The following CREB3L2 variants were observed in gnomAD, a reference collection of about 807,000 sequenced individuals.
The protein encoded by CREB3L2 is cAMP responsive element binding protein 3 like 2.
Under a neutral mutation model 57.2 loss-of-function variants are expected in CREB3L2, and 23 were observed. The ratio of observed to expected loss-of-function variants is 0.40; its 90% CI spans 0.29 to 0.57. The LOEUF is 0.57. Ranked by LOEUF, CREB3L2 falls within the 20% of genes least tolerant of loss-of-function variation. The probability of loss-of-function intolerance (pLI) is 0.42; values close to 1 mark genes in which losing one functional copy is unlikely to be tolerated. For missense variants in CREB3L2, 628 were observed against 634.7 expected, an observed-to-expected ratio of 0.99 and a Z score of 0.11; for synonymous variants, 268 against 265.1, an observed-to-expected ratio of 1.01 and a Z score of -0.11.
chr7:137,916,851 G>C (rs1800148186), intron 2 of CREB3L2, among the ~76,000 whole-genome samples: 1 of 152,096 alleles, frequency 6.6e-6, no homozygotes, highest in Non-Finnish European at 1.5e-5. Context: ...GCAAGCAAAT[G>C]GTTGGTAACC....
intron 1 of CREB3L2, among the ~76,000 whole-genome samples, chr7:137,977,840 G>A (rs6975328): frequency 0.15 from 22,280 of 151,874 alleles, 2,066 homozygotes; most frequent in African/African-American, 0.26. Context: ...AGAACTGCTT[G>A]AACCTGGGAG....
chr7:137,982,800 A>G (rs1047043497), intron 1 of CREB3L2, among the ~76,000 whole-genome samples: 7 of 152,220 alleles, frequency 4.6e-5, no homozygotes, highest in Non-Finnish European at 8.8e-5. Flanking sequence ...CCAATGTGAC[A>G]GTATCTGGAG....
At chr7:137,993,649 C>T (rs756197918) in intron 1 of CREB3L2, among the ~76,000 whole-genome samples, 76 of 152,130 alleles carry the variant, frequency 5.0e-4, no homozygotes, top group African/African-American at 1.7e-3. Context: ...CCTCTGAAAG[C>T]GCTGGGATTA....
intron 1 of CREB3L2, among the ~76,000 whole-genome samples, chr7:137,951,527 A>C (rs1801098091): frequency 6.6e-6 from 1 of 152,242 alleles, no homozygotes; most frequent in Admixed American, 6.5e-5. Context: ...ACAGTGACTT[A>C]AGAGACCATA....
intron 4 of CREB3L2, among the ~76,000 whole-genome samples, chr7:137,910,092 A>G (rs1202801950): frequency 6.6e-6 from 1 of 152,124 alleles, no homozygotes; most frequent in Non-Finnish European, 1.5e-5. Context: ...AGCAGCATGA[A>G]AACAGACTAA....
intron 8 of CREB3L2, among the ~76,000 whole-genome samples, chr7:137,888,066 C>T (rs1325690661): frequency 6.6e-6 from 1 of 152,176 alleles, no homozygotes; most frequent in Non-Finnish European, 1.5e-5. Context: ...AATCCTCCTG[C>T]CTCAGCCTCC....
At chr7:137,912,103 G>A (rs1057237568) in intron 4 of CREB3L2, among the ~76,000 whole-genome samples, 2 of 152,120 alleles carry the variant, frequency 1.3e-5, no homozygotes, top group Non-Finnish European at 2.9e-5. Flanking sequence ...TTGGCCAGGC[G>A]TGGTGGCTTA....
At chr7:137,882,718 G>C in intron 10 of CREB3L2, 90 bp from the exon 11 acceptor site, 1 of 880,982 alleles carries the variant, frequency 1.1e-6, no homozygotes, top group Non-Finnish European at 1.7e-6. Flanking sequence ...GCTGGTGGCA[G>C]ATGACAATGT....
At chr7:137,963,964 T>C (rs1801365915) in intron 1 of CREB3L2, among the ~76,000 whole-genome samples, 1 of 152,232 alleles carries the variant, frequency 6.6e-6, no homozygotes, top group Non-Finnish European at 1.5e-5. Context: ...ACAATCTGTT[T>C]TCAGCTGAAA....
chr7:137,959,831 T>A (rs193196918), intron 1 of CREB3L2, among the ~76,000 whole-genome samples: 3 of 152,364 alleles, frequency 2.0e-5, no homozygotes, highest in Admixed American at 1.3e-4. Context: ...TTAGAAAATG[T>A]AAGGTAATGT....
intron 1 of CREB3L2, among the ~76,000 whole-genome samples, chr7:137,935,436 G>A (rs1310011292): frequency 6.6e-6 from 1 of 152,276 alleles, no homozygotes; most frequent in East Asian, 1.9e-4. Flanking sequence ...GTCATCCCTA[G>A]ACAGATACAC....
In CREB3L2 at chr7:137,879,449, CT is replaced by C. The variant is rs1257638630; in HGVS notation, c.*1026del. 1 of 384,182 alleles carries C rather than the reference CT, an allele frequency of 2.6e-6. No homozygotes were observed. The highest frequency in any genetic ancestry group is 4.9e-6 in the Non-Finnish European group (1 of 204,116). 23.8% of individuals were successfully genotyped at this position (384,182 alleles called of 1,614,324 possible). A position where few individuals can be genotyped will look rare whatever the true frequency, so the allele number is the denominator to read the frequency against. On this transcript the variant is annotated 3_prime_UTR_variant, in exon 12 of 12. Coordinates refer to ENST00000330387, the MANE Select transcript of CREB3L2 (RefSeq NM_194071.4). ...TGTCATGAAAACAGGATAGAAAAAG[CT>C]TGTGGCCAGGGAGCCCGGGGCCTGA... is the stretch of plus-strand genomic sequence containing the variant.
chr7:137,928,208 C>T lies in CREB3L2; in HGVS notation c.261G>A (p.Glu87=). 6.2e-7 allele frequency: 1 copy of T among 1,606,820 alleles called. No homozygotes were observed. The change falls in exon 2 of 12, where the codon GAG becomes GAA. Residue 87 remains glutamate (E), a synonymous_variant. Transcript: ENST00000330387. ...TGAAGGGCGACTGGGCCCGAGGCTCCTCGCACAGGGAGTAGCTGTGCTCAG... is the reference window on the plus strand; with the variant it reads ...TGAAGGGCGACTGGGCCCGAGGCTCTTCGCACAGGGAGTAGCTGTGCTCAG... ...IQAEHSYSLC[E]EPRAQSPFTH...
intron 1 of CREB3L2, among the ~76,000 whole-genome samples, chr7:137,941,893 C>T (rs1800886110): frequency 6.6e-6 from 1 of 152,170 alleles, no homozygotes; most frequent in Admixed American, 6.5e-5. Context: ...ACTTATCAGT[C>T]TCTTAATACC....
At position 137,908,262 on chromosome 7, in the gene CREB3L2, G is replaced by A. The variant is rs747050072; in HGVS notation, c.758C>T (p.Thr253Met). 6.4e-5 allele frequency: 81 copies of A among 1,258,436 alleles called. No individual in the cohort carries two copies. The highest frequency in any genetic ancestry group is 7.6e-5 in the Non-Finnish European group (75 of 992,832). The allele number at this position is 1,258,436 out of a possible 1,614,324, so 78.0% of individuals were successfully genotyped here. Residue 253 changes from threonine to methionine, a missense_variant, in exon 5 of 12, where the codon ACG becomes ATG. By Grantham distance (81) the Thr-to-Met change is moderately conservative. Transcript: ENST00000330387. ...CCGCTGCATACTTACATGAGGAGCC[G>A]TGAGGAGAGGGGAGCTGGAGAGGGC... ...PSALSSSPLL[T>M]APHKLQGSGP...
intron 1 of CREB3L2, among the ~76,000 whole-genome samples, chr7:137,944,317 C>T (rs975237511): frequency 1.3e-5 from 2 of 152,142 alleles, no homozygotes; most frequent in South Asian, 2.1e-4. Context: ...TGTCTGCAAA[C>T]GCACAGTAAA....
chr7:137,955,783 C>T (rs1801196943), intron 1 of CREB3L2, among the ~76,000 whole-genome samples: 1 of 152,150 alleles, frequency 6.6e-6, no homozygotes, highest in Admixed American at 6.5e-5. Context: ...ATTACTGGAA[C>T]ACTAAGCATG....
chr7:137,923,188 T>A (rs1262042407), intron 2 of CREB3L2, among the ~76,000 whole-genome samples: 1 of 152,244 alleles, frequency 6.6e-6, no homozygotes, highest in Admixed American at 6.5e-5. Context: ...AAAGTAACTG[T>A]AATCGCTGGA....
At chr7:137,891,354 T>A (rs1024356320) in intron 8 of CREB3L2, among the ~76,000 whole-genome samples, 2 of 152,244 alleles carry the variant, frequency 1.3e-5, no homozygotes, top group African/African-American at 4.8e-5. Flanking sequence ...AACAGTCTCA[T>A]GTTTTCTTTG....
Sources: gnomAD v4.1 joint callset for allele counts (sites outside exome capture counted in the v4.1 genomes callset) on GRCh38, gnomAD v4.1.1 for gene constraint, MANE v1.5 for transcripts, NCBI Gene and HGNC (gene_info 2026-07-23, HGNC 2026-07-21) for gene names.